SGPP2: variants seen among roughly 807,000 people sequenced by gnomAD.
SGPP2 encodes the protein sphingosine-1-phosphate phosphatase 2, also known as sphingosine 1-phosphate phosphohydrolase 2.
Under a neutral mutation model 33.9 loss-of-function variants are expected in SGPP2, and 30 were observed. The observed-to-expected ratio is 0.89, with a 90% CI of 0.66 to 1.20. The LOEUF is 1.20. Among genes scored for constraint, SGPP2 ranks in the 50% most tolerant of loss-of-function variants. SGPP2 has a pLI of 0.00. For missense variants in SGPP2, 458 were observed against 532.1 expected (o/e 0.86, Z 1.37); for synonymous variants, 233 against 225.0 (o/e 1.04, Z -0.32).
chr2:222,486,492 AC>A (rs1359229641), intron 2 of SGPP2, among the ~76,000 whole-genome samples: 1 of 152,234 alleles, frequency 6.6e-6, no homozygotes, highest in East Asian at 1.9e-4. Flanking sequence ...AACATGAGCC[AC>A]ATGTGGCTGT....
intron 3 of SGPP2, among the ~76,000 whole-genome samples, 196 bp downstream of exon 3, chr2:222,522,142 G>A (rs1168429733): frequency 1.3e-5 from 2 of 152,188 alleles, no homozygotes; most frequent in African/African-American, 2.4e-5. Flanking sequence ...TTTAAATCAG[G>A]TTATGCCTGT....
At chr2:222,542,164 C>A (rs557203148) in intron 4 of SGPP2, among the ~76,000 whole-genome samples, 2 of 152,326 alleles carry the variant, frequency 1.3e-5, no homozygotes, top group Admixed American at 6.5e-5. Flanking sequence ...AATGTAATCA[C>A]ACAGTATGCT....
At chr2:222,555,920 C>T (rs1341787106) in intron 4 of SGPP2, among the ~76,000 whole-genome samples, 1 of 152,140 alleles carries the variant, frequency 6.6e-6, no homozygotes, top group African/African-American at 2.4e-5. Context: ...ATTGTTGTAG[C>T]AAGGTCACAT....
At chr2:222,508,116 G>A (rs1303846106) in intron 2 of SGPP2, among the ~76,000 whole-genome samples, 2 of 152,198 alleles carry the variant, frequency 1.3e-5, no homozygotes, top group Non-Finnish European at 2.9e-5. Context: ...TGGGATGGTA[G>A]GGATAAGCAA....
chr2:222,524,293 C>A (rs1045077271), intron 3 of SGPP2, among the ~76,000 whole-genome samples: 2 of 152,208 alleles, frequency 1.3e-5, no homozygotes, highest in African/African-American at 4.8e-5. Flanking sequence ...ACCACAGACA[C>A]TAGTGCTTGA....
intron 1 of SGPP2, among the ~76,000 whole-genome samples, chr2:222,454,833 T>C (rs931025395): frequency 2.0e-5 from 3 of 152,120 alleles, no homozygotes; most frequent in Admixed American, 2.0e-4. Flanking sequence ...TCAAAGCTCC[T>C]TGGGTGTCAT....
intron 1 of SGPP2, among the ~76,000 whole-genome samples, chr2:222,427,568 G>A (rs139170991): frequency 5.3e-5 from 8 of 152,212 alleles, no homozygotes; most frequent in Non-Finnish European, 1.0e-4. Flanking sequence ...GTCAGTCACT[G>A]TGACTGGCGA....
chr2:222,542,526 A>G (rs1049798488), intron 4 of SGPP2, among the ~76,000 whole-genome samples: 3 of 152,208 alleles, frequency 2.0e-5, no homozygotes, highest in Non-Finnish European at 2.9e-5. Flanking sequence ...ATTCTCACCA[A>G]TAGTGACTAA....
At chr2:222,451,143 A>G (rs1327851476) in intron 1 of SGPP2, among the ~76,000 whole-genome samples, 7 of 140,354 alleles carry the variant, frequency 5.0e-5, no homozygotes, top group Non-Finnish European at 7.4e-5. Flanking sequence ...AAAAAGAGAA[A>G]AAAAAAAAAA....
At chr2:222,509,304 G>T (rs1230356421) in intron 2 of SGPP2, among the ~76,000 whole-genome samples, 7 of 152,224 alleles carry the variant, frequency 4.6e-5, no homozygotes, top group Admixed American at 1.3e-4. Flanking sequence ...CACATTGTAT[G>T]CATGTGTCAG....
Position 222,558,616 on chromosome 2 carries a change from T to G in SGPP2, c.918T>G (p.Ser306=). Residue 306 remains serine (S), a synonymous_variant, in exon 5 of 5, where the codon TCT becomes TCG. Coordinates refer to ENST00000321276, the MANE Select transcript of SGPP2 (RefSeq NM_152386.4). ...FFQLVSKPAE[S]LPVIQNIPPL... Reference sequence around the variant, plus strand: ...AGCTTGTATCCAAGCCCGCTGAATCTCTCCCTGTTATTCAGAACATCCCAC... The same window carrying G: ...AGCTTGTATCCAAGCCCGCTGAATCGCTCCCTGTTATTCAGAACATCCCAC... The G allele has an allele frequency of 6.2e-7, 1 of 1,614,158 alleles. No individual in the cohort carries two copies. The highest frequency in any genetic ancestry group is 8.5e-7 in the Non-Finnish European group (1 of 1,180,038).
chr2:222,552,389 T>G (rs781009854), intron 4 of SGPP2, among the ~76,000 whole-genome samples: 31 of 152,188 alleles, frequency 2.0e-4, no homozygotes, highest in Non-Finnish European at 3.5e-4. Flanking sequence ...TTTAATTTTT[T>G]TATTATGGCC....
At chr2:222,547,088 G>C (rs946923740) in intron 4 of SGPP2, among the ~76,000 whole-genome samples, 10 of 152,136 alleles carry the variant, frequency 6.6e-5, no homozygotes, top group African/African-American at 2.2e-4. Context: ...GCACATCCCA[G>C]CAAATATGGT....
chr2:222,473,833 A>G (rs1697887365), intron 1 of SGPP2, among the ~76,000 whole-genome samples: 1 of 151,986 alleles, frequency 6.6e-6, no homozygotes, highest in Non-Finnish European at 1.5e-5. Context: ...CTGAGGCAGG[A>G]GAATCACTTG....
At chr2:222,463,752 T>C (rs1051205432) in intron 1 of SGPP2, among the ~76,000 whole-genome samples, 17 of 152,200 alleles carry the variant, frequency 1.1e-4, no homozygotes, top group Admixed American at 6.5e-4. Context: ...AGACTTCAGT[T>C]TTGTGTTTGT....
chr2:222,551,712 T>C (rs540266515), intron 4 of SGPP2, among the ~76,000 whole-genome samples: 1 of 152,316 alleles, frequency 6.6e-6, no homozygotes, highest in Admixed American at 6.5e-5. Context: ...ACCAAAATAG[T>C]CTAGTCTCCT....
At chr2:222,524,041 C>G (rs1698722961) in intron 3 of SGPP2, among the ~76,000 whole-genome samples, 2 of 152,206 alleles carry the variant, frequency 1.3e-5, no homozygotes, top group East Asian at 3.8e-4. Context: ...ATCATTTCAC[C>G]TCTCTGAACC....
intron 1 of SGPP2, among the ~76,000 whole-genome samples, chr2:222,442,942 A>G (rs556781779): frequency 6.6e-6 from 1 of 152,324 alleles, no homozygotes; most frequent in South Asian, 2.1e-4. Context: ...AACAAACCTG[A>G]AATCAGAACG....
At position 222,510,575 on chromosome 2, in the gene SGPP2, G is replaced by T. The variant is rs537467137; in HGVS notation, c.379-11192G>T. Among the ~76,000 whole-genome samples the T allele has an allele frequency of 2.0e-5, 3 of 152,218 alleles. No homozygotes were observed. The South Asian group carries it at 6.2e-4, about 32-fold the overall frequency. ...TTTGCTATTTCTCCATGGTGGAGGGGGCTATGAGTGTAGCCAAGGGAAGGA... is the reference window on the plus strand; with the variant it reads ...TTTGCTATTTCTCCATGGTGGAGGGTGCTATGAGTGTAGCCAAGGGAAGGA... On this transcript the variant is annotated intron_variant, in intron 2 of 4. Coordinates refer to ENST00000321276, the MANE Select transcript of SGPP2 (RefSeq NM_152386.4).
Sources: allele counts gnomAD v4.1 joint callset (sites outside exome capture counted in the v4.1 genomes callset), GRCh38; gene constraint gnomAD v4.1.1; transcripts MANE v1.5; gene names NCBI Gene and HGNC (gene_info 2026-07-23, HGNC 2026-07-21).